Variants in LINGO2 observed in about 807,000 individuals in gnomAD.
LINGO2 encodes leucine rich repeat and Ig domain containing 2.
A neutral mutation model predicts 30.6 loss-of-function variants in LINGO2; 14 were observed. That is an observed-to-expected ratio of 0.46 (90% CI 0.30 to 0.72). The LOEUF is 0.72. LINGO2 is among the 30% of genes least tolerant of loss of function. LINGO2 has a pLI of 0.07. For synonymous variants in LINGO2, 317 were observed against 288.5 expected (o/e 1.10, Z -1.00); for missense variants, 729 against 751.7 (o/e 0.97, Z 0.35).
At chr9:28,307,365 G>A (rs1196679453) in intron 3 of LINGO2, among the ~76,000 whole-genome samples, 1 of 151,994 alleles carries the variant, frequency 6.6e-6, no homozygotes, top group African/African-American at 2.4e-5. Context: ...AAAGGCCTTT[G>A]ACAAAATTCA....
Position 28,329,801 on chromosome 9 carries a change from A to G in LINGO2, c.-245-34435T>C, listed in dbSNP as rs1825357057. On this transcript the variant is annotated intron_variant, in intron 3 of 5. Transcript: ENST00000379992. This position sits in a 1 kb window ranked among gnomAD's most constrained non-coding sequence, Gnocchi z 4.5. Reference sequence around the variant, plus strand: ...TGACCCCACCCTGAATTAGATAGCCATCCTCTGGGGTTTTATATCACCTTG... The same window carrying G: ...TGACCCCACCCTGAATTAGATAGCCGTCCTCTGGGGTTTTATATCACCTTG... 6.6e-6 allele frequency among the ~76,000 whole-genome samples: 1 copy of G among 152,146 alleles called. No homozygotes were observed. Among genetic ancestry groups the G allele is most frequent in the African/African-American group, 2.4e-5 (1 of 41,430 alleles).
chr9:28,109,038 T>C (rs1444512774), intron 4 of LINGO2, among the ~76,000 whole-genome samples: 1 of 152,176 alleles, frequency 6.6e-6, no homozygotes, highest in Non-Finnish European at 1.5e-5. Flanking sequence ...ATCAAAAAGC[T>C]TATCCACCAC....
chr9:28,732,879 C>T, the LINGO2 span, among the ~76,000 whole-genome samples: 14 of 152,116 alleles, frequency 9.2e-5, no homozygotes, highest in East Asian at 5.8e-4. Context: ...AAATCCTGGC[C>T]GGATGCAAGA....
chr9:28,134,927 C>G (rs994994000), intron 4 of LINGO2, among the ~76,000 whole-genome samples: 1 of 152,254 alleles, frequency 6.6e-6, no homozygotes, highest in South Asian at 2.1e-4. Flanking sequence ...ACGCTCTATA[C>G]AGGAAGAGAA....
At chr9:28,003,667 T>C (rs541085682) in intron 5 of LINGO2, among the ~76,000 whole-genome samples, 1 of 152,274 alleles carries the variant, frequency 6.6e-6, no homozygotes, top group Admixed American at 6.5e-5. Context: ...TTCACCATGT[T>C]AGCCAGGATG....
At chr9:28,489,972 T>C (rs1826331002) in intron 1 of LINGO2, among the ~76,000 whole-genome samples, 1 of 148,138 alleles carries the variant, frequency 6.8e-6, no homozygotes, top group Non-Finnish European at 1.5e-5. Flanking sequence ...GTAAAGTATA[T>C]AATTCCAATT....
At chr9:28,914,683 G>C in the LINGO2 span, among the ~76,000 whole-genome samples, 3 of 152,020 alleles carry the variant, frequency 2.0e-5, no homozygotes, top group South Asian at 6.2e-4. Context: ...ATTTGGGTTT[G>C]ACAGGGTCTG....
chr9:28,581,403 T>C (rs1344943163), intron 1 of LINGO2, among the ~76,000 whole-genome samples: 3 of 151,784 alleles, frequency 2.0e-5, no homozygotes, highest in African/African-American at 7.3e-5. Context: ...TTTTTCTAAG[T>C]GTATAGAAAC....
intron 5 of LINGO2, among the ~76,000 whole-genome samples, chr9:27,972,345 T>C (rs1335111962): frequency 6.7e-6 from 1 of 149,826 alleles, no homozygotes; most frequent in Non-Finnish European, 1.5e-5. Flanking sequence ...CTGAGGAGAA[T>C]AGCAACATTT....
chr9:28,643,699 T>TA (rs1827707893), intron 1 of LINGO2, among the ~76,000 whole-genome samples: 1 of 151,854 alleles, frequency 6.6e-6, no homozygotes, highest in South Asian at 2.1e-4. Flanking sequence ...CACATTAAGT[T>TA]AAAAAGCTTC....
the LINGO2 span, among the ~76,000 whole-genome samples, chr9:28,957,070 C>G: frequency 4.6e-5 from 7 of 151,940 alleles, no homozygotes; most frequent in Non-Finnish European, 1.0e-4. Context: ...CTCCATTTGC[C>G]TCTGTAACCC....
At chr9:28,696,784 C>A in the LINGO2 span, among the ~76,000 whole-genome samples, 1 of 151,748 alleles carries the variant, frequency 6.6e-6, no homozygotes, top group Admixed American at 6.6e-5. Context: ...TCATTAATGT[C>A]AAATAAGAAA....
At chr9:28,243,864 C>G (rs538804641) in intron 4 of LINGO2, among the ~76,000 whole-genome samples, 1 of 152,104 alleles carries the variant, frequency 6.6e-6, no homozygotes, top group African/African-American at 2.4e-5. Flanking sequence ...TAGACTCCCA[C>G]TCAATAATAG....
chr9:28,889,819 G>A, the LINGO2 span, among the ~76,000 whole-genome samples: 1 of 151,832 alleles, frequency 6.6e-6, no homozygotes, highest in Non-Finnish European at 1.5e-5. Flanking sequence ...GACCAGGAAG[G>A]TGGTAATCAT....
At chr9:28,783,867 G>C in the LINGO2 span, among the ~76,000 whole-genome samples, 2 of 152,126 alleles carry the variant, frequency 1.3e-5, no homozygotes, top group Non-Finnish European at 2.9e-5. Context: ...TCCAGTGTCT[G>C]GTGACAGCAC....
intron 4 of LINGO2, among the ~76,000 whole-genome samples, chr9:28,171,122 G>A (rs1283489222): frequency 6.6e-6 from 1 of 152,126 alleles, no homozygotes; most frequent in Non-Finnish European, 1.5e-5. Flanking sequence ...AAGCACTGGT[G>A]GTAGCTGTGG....
At chr9:29,099,459 G>A in the LINGO2 span, among the ~76,000 whole-genome samples, 1 of 152,056 alleles carries the variant, frequency 6.6e-6, no homozygotes, top group African/African-American at 2.4e-5. Flanking sequence ...CATAGAATGG[G>A]AGAAAATATC....
intron 5 of LINGO2, among the ~76,000 whole-genome samples, chr9:28,010,797 A>G (rs1482136631): frequency 6.6e-6 from 1 of 152,160 alleles, no homozygotes; most frequent in African/African-American, 2.4e-5. Flanking sequence ...TCCAAAAAGA[A>G]ATTAAAAAAT....
intron 4 of LINGO2, among the ~76,000 whole-genome samples, chr9:28,135,126 C>A (rs1003204778): frequency 4.6e-5 from 7 of 152,030 alleles, no homozygotes; most frequent in Non-Finnish European, 7.4e-5. Flanking sequence ...TTATGTCATA[C>A]CAATGAATAA....
Sources: gnomAD v4.1 joint callset for allele counts (sites outside exome capture counted in the v4.1 genomes callset) on GRCh38, gnomAD v4.1.1 for gene constraint, Gnocchi (gnomAD v3.1) non-coding constraint, MANE v1.5 for transcripts, NCBI Gene and HGNC (gene_info 2026-07-23, HGNC 2026-07-21) for gene names.